RAD51B: variants seen among roughly 807,000 people sequenced by gnomAD.
The protein encoded by RAD51B is RAD51 paralog B.
Under a neutral mutation model 42.2 loss-of-function variants are expected in RAD51B, and 38 were observed. That is an observed-to-expected ratio of 0.90 (90% CI 0.70 to 1.18). The LOEUF (loss-of-function observed/expected upper bound fraction) is 1.18, where lower values mean the gene tolerates loss of function less well. Ranked by LOEUF, RAD51B falls within the 50% of genes most tolerant of loss-of-function variation. RAD51B has a pLI of 0.00. For synonymous variants in RAD51B, 154 were observed against 145.2 expected, an observed-to-expected ratio of 1.06 and a Z score of -0.43; for missense variants, 373 against 400.7, an observed-to-expected ratio of 0.93 and a Z score of 0.59.
At chr14:68,343,040 T>C (rs1370356960) in intron 8 of RAD51B, among the ~76,000 whole-genome samples, 6 of 152,060 alleles carry the variant, frequency 3.9e-5, no homozygotes, top group Admixed American at 2.0e-4. Flanking sequence ...TGTATGTATT[T>C]ATGGGCACAA....
chr14:68,056,348 C>A (rs1039193287), intron 7 of RAD51B, among the ~76,000 whole-genome samples: 3 of 151,918 alleles, frequency 2.0e-5, no homozygotes, highest in Non-Finnish European at 4.4e-5. Context: ...GGGTTTTTCT[C>A]ATGTTGGTCA....
intron 10 of RAD51B, among the ~76,000 whole-genome samples, chr14:68,603,420 G>A (rs1199038734): frequency 2.0e-5 from 3 of 152,160 alleles, no homozygotes; most frequent in Non-Finnish European, 4.4e-5. Flanking sequence ...GCTTCTATGG[G>A]ATTTTTTATA....
chr14:67,835,098 CA>C lies in RAD51B; in HGVS notation c.220del (p.Arg74GlyfsTer46). The C allele has an allele frequency of 6.2e-7, 1 of 1,612,918 alleles. No homozygotes were observed. The highest frequency in any genetic ancestry group is 8.5e-7 in the Non-Finnish European group (1 of 1,179,036). ...KMQTAYGIKA[Q>X]RSADFSPAFL... ...TGTTTAGGCTTATGGGATAAAAGCA[CA>C]AAGGTCTGCTGATTTCTCACCAGCA... On this transcript the variant is annotated frameshift_variant, in exon 4 of 11. Transcript: ENST00000471583. LOFTEE classifies it high-confidence loss of function.
chr14:68,459,205 T>C (rs931630090), intron 9 of RAD51B, among the ~76,000 whole-genome samples: 1 of 152,220 alleles, frequency 6.6e-6, no homozygotes, highest in Non-Finnish European at 1.5e-5. Flanking sequence ...GTCCTTTGGC[T>C]TGGAGAGTTC....
intron 5 of RAD51B, among the ~76,000 whole-genome samples, chr14:67,868,045 A>G (rs754970660): frequency 1.3e-5 from 2 of 152,186 alleles, no homozygotes; most frequent in Non-Finnish European, 2.9e-5. Context: ...AATAAATACA[A>G]ACTACTTAGG....
chr14:67,867,686 G>T (rs575268237), intron 5 of RAD51B, among the ~76,000 whole-genome samples: 1 of 152,198 alleles, frequency 6.6e-6, no homozygotes, highest in Admixed American at 6.5e-5. Context: ...TAAAACTGGG[G>T]CTCTCATAGC....
Position 67,885,957 on chromosome 14 carries a change from C to A in RAD51B, c.541C>A (p.Arg181=). Residue 181 remains arginine, a synonymous_variant, in exon 6 of 11, where the codon CGG becomes AGG. Transcript: ENST00000471583. The part of the protein sequence containing the change: ...LLTSSKVHLY[R]ELTCDEVLQR... ...GACAAGTAGTAAAGTTCATCTTTAT[C>A]GGGAACTCACCTGTGATGAAGTTCT... 6.2e-7 allele frequency: 1 copy of A among 1,605,206 alleles called. No homozygotes were observed. The highest frequency in any genetic ancestry group is 1.1e-5 in the South Asian group (1 of 90,318).
At chr14:68,655,194 G>C (rs908163414) in intron 11 of RAD51B, among the ~76,000 whole-genome samples, 1 of 151,966 alleles carries the variant, frequency 6.6e-6, no homozygotes, top group Non-Finnish European at 1.5e-5. Flanking sequence ...TCAGGAGCCC[G>C]GTGCTGATGG....
chr14:68,236,863 T>A (rs1348287987), intron 7 of RAD51B, among the ~76,000 whole-genome samples: 1 of 152,176 alleles, frequency 6.6e-6, no homozygotes, highest in Non-Finnish European at 1.5e-5. Context: ...TCTATATAGA[T>A]TTGCAGACAT....
At chr14:68,415,031 CAAAAAAAAAAAAA>C (rs71129885) in intron 9 of RAD51B, among the ~76,000 whole-genome samples, 6 of 32,502 alleles carry the variant, frequency 1.8e-4, no homozygotes, top group Admixed American at 4.9e-4. Flanking sequence ...GACTCTGTCT[CAAAAAAAAAAAAA>C]AAAAAAAAAA....
chr14:68,223,530 G>A (rs150415223), intron 7 of RAD51B, among the ~76,000 whole-genome samples: 1 of 152,160 alleles, frequency 6.6e-6, no homozygotes, highest in Admixed American at 6.5e-5. Context: ...AAGCTTACAG[G>A]CATGTGTAAT....
chr14:67,895,527 C>T (rs1192549337), intron 7 of RAD51B, among the ~76,000 whole-genome samples: 1 of 152,108 alleles, frequency 6.6e-6, no homozygotes, highest in Non-Finnish European at 1.5e-5. Context: ...TGATCACATC[C>T]CTCCTATGCT....
chr14:68,384,120 T>C (rs1429937384), intron 8 of RAD51B, among the ~76,000 whole-genome samples: 1 of 152,252 alleles, frequency 6.6e-6, no homozygotes, highest in East Asian at 1.9e-4. Flanking sequence ...AGTCAGCTTT[T>C]CACTTTGTCA....
chr14:68,607,813 CA>C (rs1891511274), intron 10 of RAD51B, among the ~76,000 whole-genome samples: 1 of 152,122 alleles, frequency 6.6e-6, no homozygotes, highest in African/African-American at 2.4e-5. Context: ...GGGAGGAAGA[CA>C]GGGGCTGGCA....
intron 7 of RAD51B, among the ~76,000 whole-genome samples, chr14:68,084,686 G>T (rs1245131728): frequency 1.3e-5 from 2 of 152,212 alleles, no homozygotes; most frequent in African/African-American, 2.4e-5. Flanking sequence ...TCAATTTGGG[G>T]GAAATTTTTG....
chr14:68,468,188 C>A lies in RAD51B; in HGVS notation c.974C>A (p.Ser325Tyr). 6.2e-7 allele frequency: 1 copy of A among 1,613,912 alleles called. No individual in the cohort carries two copies. The highest frequency in any genetic ancestry group is 8.5e-7 in the Non-Finnish European group (1 of 1,179,884). Residue 325 changes from serine to tyrosine, a missense_variant, in exon 10 of 11, where the codon TCC (serine) becomes TAC (tyrosine). By Grantham distance (144) the Ser-to-Tyr change is moderately radical. Coordinates refer to ENST00000471583, the MANE Select transcript of RAD51B (RefSeq NM_133510.4). ...SERRQILIAK[S>Y]PLAPFTSFVY... ...TATGTGCAGATTCTTATTGCCAAGT[C>A]CCCTCTGGCTCCCTTCACCTCATTT...
At chr14:68,047,691 A>G (rs547312590) in intron 7 of RAD51B, among the ~76,000 whole-genome samples, 24 of 152,324 alleles carry the variant, frequency 1.6e-4, no homozygotes, top group African/African-American at 5.5e-4. Flanking sequence ...TATTAATATT[A>G]TCTCTTCTCA....
intron 11 of RAD51B, among the ~76,000 whole-genome samples, chr14:68,682,302 A>G (rs1324867785): frequency 5.3e-5 from 8 of 152,156 alleles, no homozygotes; most frequent in African/African-American, 1.7e-4. Context: ...TTTCCCATCC[A>G]TAGGCCAGAC....
chr14:67,827,954 G>A (rs1032138177), intron 3 of RAD51B, among the ~76,000 whole-genome samples: 4 of 152,152 alleles, frequency 2.6e-5, no homozygotes, highest in African/African-American at 9.7e-5. Context: ...GAACATATGT[G>A]TGCATGTATA....
Sources: allele counts gnomAD v4.1 joint callset (sites outside exome capture counted in the v4.1 genomes callset), GRCh38; gene constraint gnomAD v4.1.1; transcripts MANE v1.5; gene names NCBI Gene and HGNC (gene_info 2026-07-23, HGNC 2026-07-21).